KATNIP: variants seen among roughly 807,000 people sequenced by gnomAD.
KATNIP encodes katanin interacting protein.
Under a neutral mutation model 174.0 loss-of-function variants are expected in KATNIP, and 126 were observed. The ratio of observed to expected loss-of-function variants is 0.72; its 90% confidence interval spans 0.63 to 0.84. The LOEUF (loss-of-function observed/expected upper bound fraction) is 0.84. KATNIP is among the 40% of genes least tolerant of loss of function. The pLI is 0.00. For synonymous variants in KATNIP, 810 were observed against 835.7 expected, an observed-to-expected ratio of 0.97 and a Z score of 0.53; for missense variants, 1,958 against 2,109.7, an observed-to-expected ratio of 0.93 and a Z score of 1.41.
chr16:27,633,668 T>TG (rs1280930817), intron 5 of KATNIP, among the ~76,000 whole-genome samples: 1 of 152,182 alleles, frequency 6.6e-6, no homozygotes, highest in Non-Finnish European at 1.5e-5. Context: ...ACTAAATGTA[T>TG]GGGTCTATAG....
intron 8 of KATNIP, among the ~76,000 whole-genome samples, chr16:27,690,276 A>G (rs1263641149): frequency 1.3e-5 from 2 of 151,868 alleles, no homozygotes; most frequent in African/African-American, 4.8e-5. Context: ...TACTCATTCC[A>G]TGGCACTCCA....
At chr16:27,611,391 A>G (rs1009016285) in intron 2 of KATNIP, among the ~76,000 whole-genome samples, 1 of 152,218 alleles carries the variant, frequency 6.6e-6, no homozygotes, top group Non-Finnish European at 1.5e-5. Context: ...AGGCAAGGAA[A>G]TAAAGCCTCA....
At chr16:27,641,692 G>A (rs553192062) in intron 5 of KATNIP, among the ~76,000 whole-genome samples, 48 of 152,346 alleles carry the variant, frequency 3.2e-4, no homozygotes, top group Middle Eastern at 3.4e-3. Context: ...ATGTGCGTGC[G>A]TGTAAATGAC....
At chr16:27,562,536 G>C (rs1415662675) in intron 1 of KATNIP, among the ~76,000 whole-genome samples, 2 of 152,156 alleles carry the variant, frequency 1.3e-5, no homozygotes, top group African/African-American at 2.4e-5. Flanking sequence ...GATCATTTTT[G>C]GGAGGTGCAG....
chr16:27,571,647 G>A (rs1277232395), intron 1 of KATNIP, among the ~76,000 whole-genome samples: 1 of 151,602 alleles, frequency 6.6e-6, no homozygotes, highest in Non-Finnish European at 1.5e-5. Flanking sequence ...CCTGGGCCCT[G>A]TGGGGCCCTG....
At chr16:27,738,120 C>T (rs2080965131) in intron 14 of KATNIP, among the ~76,000 whole-genome samples, 2 of 152,104 alleles carry the variant, frequency 1.3e-5, no homozygotes, top group African/African-American at 4.8e-5. Flanking sequence ...CTATCAGTTC[C>T]CATAACACAG....
At chr16:27,711,066 G>C (rs918994408) in intron 13 of KATNIP, among the ~76,000 whole-genome samples, 1 of 152,138 alleles carries the variant, frequency 6.6e-6, no homozygotes, top group African/African-American at 2.4e-5. Flanking sequence ...GTCCAGCTCA[G>C]TTAGCACATG....
At chr16:27,653,860 A>G (rs1297017922) in intron 6 of KATNIP, among the ~76,000 whole-genome samples, 2 of 152,166 alleles carry the variant, frequency 1.3e-5, no homozygotes, top group South Asian at 4.1e-4. Flanking sequence ...ATAGGGTCTC[A>G]TATCCCACTA....
At chr16:27,612,062 G>A (rs138746494) in intron 2 of KATNIP, among the ~76,000 whole-genome samples, 75 of 152,240 alleles carry the variant, frequency 4.9e-4, no homozygotes, top group African/African-American at 1.8e-3. Flanking sequence ...AGTTAGGAGT[G>A]AGAATGGGGC....
At chr16:27,700,544 G>T (rs960186049) in intron 10 of KATNIP, among the ~76,000 whole-genome samples, 1 of 152,186 alleles carries the variant, frequency 6.6e-6, no homozygotes, top group Non-Finnish European at 1.5e-5. Context: ...GAATGACAGG[G>T]TGTGGGGTGG....
At chr16:27,773,240 C>T in intron 23 of KATNIP, 31 bp downstream of exon 23, 2 of 1,461,470 alleles carry the variant, frequency 1.4e-6, no homozygotes, top group Non-Finnish European at 1.9e-6. Context: ...GTGGGCTCCA[C>T]CCAGACTGAA....
chr16:27,557,235 G>A lies in KATNIP; in HGVS notation c.7+7058G>A, dbSNP rs561071464. Among the ~76,000 whole-genome samples the A allele has an allele frequency of 4.7e-5, 7 of 150,332 alleles. No individual in the cohort carries two copies. The South Asian group carries it at 1.1e-3, about 23-fold the overall frequency. The stretch of plus-strand genomic sequence containing the variant: ...TGGCTTACTGCATCCTCCGCCTCCC[G>A]AGTTCCAGTGATTCTGCTGCCTCAG... On this transcript the variant is annotated intron_variant, in intron 1 of 27. Coordinates refer to ENST00000261588, the MANE Select transcript of KATNIP (RefSeq NM_015202.5).
In KATNIP at chr16:27,628,800, A is replaced by G. The variant is rs1176298237; in HGVS notation, c.280A>G (p.Arg94Gly). Residue 94 changes from arginine to glycine, a missense_variant, in exon 4 of 28, where the codon AGA becomes GGA. By Grantham distance (125) the Arg-to-Gly change is moderately radical. Transcript: ENST00000261588. ...PRKAIHSDFS[R>G]SASHTEGTHD... ...GAAAGCTATTCACTCTGACTTCTCCAGAAGTGCCTCCCACACGGAGGGGAC... is the reference window on the plus strand; with the variant it reads ...GAAAGCTATTCACTCTGACTTCTCCGGAAGTGCCTCCCACACGGAGGGGAC... 2 of 1,614,118 alleles carry G rather than the reference A, an allele frequency of 1.2e-6. No individual in the cohort carries two copies. Among genetic ancestry groups the G allele is most frequent in the Non-Finnish European group, 1.7e-6 (2 of 1,180,046 alleles).
chr16:27,702,633 G>C (rs890494695), intron 11 of KATNIP, among the ~76,000 whole-genome samples: 7 of 152,188 alleles, frequency 4.6e-5, no homozygotes, highest in African/African-American at 1.7e-4. Flanking sequence ...GGTCTGGCCT[G>C]GGGCTGCATC....
At chr16:27,587,958 C>T (rs924674645) in intron 2 of KATNIP, among the ~76,000 whole-genome samples, 1 of 150,416 alleles carries the variant, frequency 6.6e-6, no homozygotes, top group East Asian at 1.9e-4. Flanking sequence ...CTTTGTCACC[C>T]AGGCTGGTGT....
rs568387057 is a variant in KATNIP at position 27,568,713 on chromosome 16, C to T, written c.8-5188C>T. Among the ~76,000 whole-genome samples the T allele has an allele frequency of 7.9e-5, 12 of 152,086 alleles. No individual in the cohort carries two copies. In the South Asian group the frequency reaches 8.3e-4, roughly 11 times the overall value. On this transcript the variant is annotated intron_variant, in intron 1 of 27. Transcript: ENST00000261588. ...CTCTTGACCTCGTGATCTGCCCGCCCGGGCCTCCCAAAGTGCTGGGATTAC... is the reference window on the plus strand; with the variant it reads ...CTCTTGACCTCGTGATCTGCCCGCCTGGGCCTCCCAAAGTGCTGGGATTAC...
At chr16:27,558,124 A>G (rs1368800788) in intron 1 of KATNIP, among the ~76,000 whole-genome samples, 1 of 152,104 alleles carries the variant, frequency 6.6e-6, no homozygotes, top group Non-Finnish European at 1.5e-5. Flanking sequence ...TGTATGCCAT[A>G]CTGGACTATA....
At chr16:27,621,203 A>G (rs2076184400) in intron 3 of KATNIP, among the ~76,000 whole-genome samples, 2 of 151,954 alleles carry the variant, frequency 1.3e-5, no homozygotes, top group East Asian at 3.9e-4. Context: ...GGATCACTTG[A>G]GTCTAGGAAT....
At position 27,680,253 on chromosome 16, in the gene KATNIP, C is replaced by T. The variant is rs551725937; in HGVS notation, c.809-1146C>T. On this transcript the variant is annotated intron_variant, in intron 7 of 27. Transcript: ENST00000261588. ...TAAACAAAGGTGTTAGGCGCACCTG[C>T]GGGAGCAGCAAGTGGTCAGGGCAGT... Among the ~76,000 whole-genome samples the T allele has an allele frequency of 1.8e-4, 28 of 152,266 alleles. 1 individual carries two copies. The South Asian group carries it at 5.0e-3, about 27-fold the overall frequency.
Sources: gnomAD v4.1 joint callset for allele counts (sites outside exome capture counted in the v4.1 genomes callset) on GRCh38, gnomAD v4.1.1 for gene constraint, MANE v1.5 for transcripts, NCBI Gene and HGNC (gene_info 2026-07-23, HGNC 2026-07-21) for gene names.